The following DAB1 variants were observed in gnomAD, a reference collection of about 807,000 sequenced individuals.
DAB1 encodes the protein disabled homolog 1.
DAB1 carries 15 observed loss-of-function variants against 64.6 expected under a neutral mutation model. The observed-to-expected ratio is 0.23, with a 90% CI of 0.16 to 0.36. The LOEUF (loss-of-function observed/expected upper bound fraction) is 0.36. Ranked by LOEUF, DAB1 falls within the 10% of genes least tolerant of loss-of-function variation. The pLI is 1.00. For synonymous variants in DAB1, 235 were observed against 251.9 expected (o/e 0.93, Z 0.64); for missense variants, 596 against 706.7 (o/e 0.84, Z 1.78).
At chr1:58,340,016 A>C (rs1028953390) in intron 4 of DAB1, among the ~76,000 whole-genome samples, 4 of 152,332 alleles carry the variant, frequency 2.6e-5, no homozygotes, top group Non-Finnish European at 2.9e-5. Context: ...TTTTTCAAGA[A>C]GATTTCTACC....
chr1:57,528,637 GACACACACACAC>G (rs372009576), intron 7 of DAB1, among the ~76,000 whole-genome samples: 2,159 of 22,148 alleles, frequency 0.097, 42 homozygotes, highest in Admixed American at 0.17. Flanking sequence ...AAAGCAGCAG[GACACACACACAC>G]ACACACACAC....
intron 7 of DAB1, among the ~76,000 whole-genome samples, chr1:57,588,032 TTCTC>T (rs1244874300): frequency 6.6e-6 from 1 of 152,222 alleles, no homozygotes; most frequent in African/African-American, 2.4e-5. Context: ...TCTAAAGTCT[TTCTC>T]TGTCCCTCTC....
intron 7 of DAB1, chr1:57,605,795 AT>A (rs11327517): frequency 0.9 from 303,117 of 338,416 alleles, 135,459 homozygotes; most frequent in East Asian, 0.95. Context: ...CATGATTTGC[AT>A]TTTTTTTTTT....
At position 57,795,690 on chromosome 1, in the gene DAB1, GATATATATATATATATAT is replaced by G. The variant is rs3081038; in HGVS notation, n.551+88291_551+88308del. Reference sequence around the variant, plus strand: ...TAACCATCCATGAATTATGCTTGGAGATATATATATATATATATATATATATATATATATATATATATA... The same window carrying G: ...TAACCATCCATGAATTATGCTTGGAGATATATATATATATATATATATATA... On this transcript the variant is annotated intron_variant and non_coding_transcript_variant, in intron 6 of 20. Coordinates refer to the DAB1 transcript ENST00000485760. 1.5e-3 allele frequency among the ~76,000 whole-genome samples: 106 copies of G among 69,100 alleles called. 3 individuals are homozygous for G. Among genetic ancestry groups the G allele is most frequent in the East Asian group, 4.8e-3 (5 of 1,038 alleles). 45.3% of individuals were successfully genotyped at this position (69,100 alleles called of 152,430 possible).
rs1366315933 is a variant in DAB1, at chr1:58,300,635, AGAGAGAGAGAGAGG to A, written n.309+42703_309+42716del. Among the ~76,000 whole-genome samples, 295 of 73,820 alleles carry A rather than the reference AGAGAGAGAGAGAGG, an allele frequency of 4.0e-3. 4 individuals carry two copies. The highest frequency in any genetic ancestry group is 0.011 in the South Asian group (18 of 1,600). 48.4% of individuals were successfully genotyped at this position (73,820 alleles called of 152,430 possible). On this transcript the variant is annotated intron_variant and non_coding_transcript_variant, in intron 4 of 20. Coordinates refer to the DAB1 transcript ENST00000485760. The stretch of plus-strand genomic sequence containing the variant: ...AAGAGAGAGAGAGAGAGAGAGAGAG[AGAGAGAGAGAGAGG>A]AAGGAAGGAAGGAAGGAAGGAAGGA...
At chr1:58,338,429 T>C (rs1663173207) in intron 4 of DAB1, among the ~76,000 whole-genome samples, 1 of 152,248 alleles carries the variant, frequency 6.6e-6, no homozygotes, top group South Asian at 2.1e-4. Flanking sequence ...AATTAAGGCA[T>C]AGATATTCTT....
intron 5 of DAB1, among the ~76,000 whole-genome samples, chr1:57,918,300 G>C (rs1169748433): frequency 6.6e-6 from 1 of 152,066 alleles, no homozygotes; most frequent in African/African-American, 2.4e-5. Context: ...CTGAGACTGG[G>C]TATTTTGTAA....
chr1:58,071,957 G>A (rs1371738181), intron 5 of DAB1, among the ~76,000 whole-genome samples: 2 of 152,086 alleles, frequency 1.3e-5, no homozygotes, highest in East Asian at 3.9e-4. Context: ...CCCTCTTGAA[G>A]CTTACATTCT....
At chr1:57,063,667 T>G (rs1018003838) in intron 8 of DAB1, among the ~76,000 whole-genome samples, 1 of 152,206 alleles carries the variant, frequency 6.6e-6, no homozygotes, top group Non-Finnish European at 1.5e-5. Context: ...CTCAGGTTAT[T>G]CTGAGGATGG....
chr1:57,672,068 A>C (rs1646516350), intron 6 of DAB1, among the ~76,000 whole-genome samples: 1 of 152,084 alleles, frequency 6.6e-6, no homozygotes, highest in Non-Finnish European at 1.5e-5. Flanking sequence ...TCCATCTGAG[A>C]TATACTTTAA....
chr1:57,098,455 A>G (rs993520897), intron 4 of DAB1, among the ~76,000 whole-genome samples: 4 of 152,222 alleles, frequency 2.6e-5, no homozygotes, highest in African/African-American at 9.6e-5. Flanking sequence ...ACGGACCCCC[A>G]TTACCATCTA....
intron 6 of DAB1, among the ~76,000 whole-genome samples, chr1:57,724,688 C>T (rs1055041596): frequency 6.6e-6 from 1 of 152,156 alleles, no homozygotes; most frequent in African/African-American, 2.4e-5. Context: ...TCTGAGCTCC[C>T]ATCCTAAGAA....
chr1:57,906,969 T>TAGAC (rs896741366), intron 5 of DAB1, among the ~76,000 whole-genome samples: 3 of 151,990 alleles, frequency 2.0e-5, no homozygotes, highest in Non-Finnish European at 2.9e-5. Context: ...GATAGATAGA[T>TAGAC]AGATAGATAG....
intron 2 of DAB1, among the ~76,000 whole-genome samples, chr1:57,245,612 C>T (rs1455350932): frequency 6.6e-6 from 1 of 152,156 alleles, no homozygotes; most frequent in Non-Finnish European, 1.5e-5. Context: ...GACATGAACT[C>T]ATCCTTTTTT....
intron 4 of DAB1, among the ~76,000 whole-genome samples, chr1:58,187,651 C>T (rs1172623486): frequency 1.3e-5 from 2 of 151,026 alleles, no homozygotes; most frequent in Non-Finnish European, 2.9e-5. Context: ...ATGATCTTAG[C>T]TCACTGCAAC....
At chr1:57,834,799 G>C (rs1202667737) in intron 1 of DAB1, among the ~76,000 whole-genome samples, 1 of 152,144 alleles carries the variant, frequency 6.6e-6, no homozygotes, top group Non-Finnish European at 1.5e-5. Flanking sequence ...CCAGGGAGCA[G>C]AGGAAATGCA....
chr1:57,406,558 C>T (rs1026611960), intron 1 of DAB1, among the ~76,000 whole-genome samples: 1 of 152,180 alleles, frequency 6.6e-6, no homozygotes, highest in African/African-American at 2.4e-5. Context: ...TCACATAAAT[C>T]ATTACTCCTT....
At chr1:58,489,543 A>T (rs1411286446) in intron 3 of DAB1, among the ~76,000 whole-genome samples, 1 of 152,250 alleles carries the variant, frequency 6.6e-6, no homozygotes, top group Non-Finnish European at 1.5e-5. Context: ...AAAAGGCAGC[A>T]GAAACCTCTG....
intron 5 of DAB1, among the ~76,000 whole-genome samples, chr1:57,932,863 T>C (rs1644972995): frequency 1.3e-5 from 2 of 152,304 alleles, no homozygotes; most frequent in South Asian, 4.1e-4. Context: ...AGACAAAATA[T>C]AGTTGGGGAT....
Sources: gnomAD v4.1 joint callset for allele counts (sites outside exome capture counted in the v4.1 genomes callset) on GRCh38, gnomAD v4.1.1 for gene constraint, MANE v1.5 for transcripts, NCBI Gene and HGNC (gene_info 2026-07-23, HGNC 2026-07-21) for gene names.